MACF1: variants seen among roughly 807,000 people sequenced by gnomAD.
MACF1 encodes microtubule actin crosslinking factor 1.
A neutral mutation model predicts 854.8 loss-of-function variants in MACF1; 193 were observed. The observed-to-expected ratio is 0.23, with a 90% CI of 0.20 to 0.25. MACF1 has a LOEUF of 0.25. MACF1 is among the 10% of genes least tolerant of loss of function. MACF1 has a pLI of 1.00. For missense variants in MACF1, 7,722 were observed against 8,929.1 expected (o/e 0.86, Z 5.45); for synonymous variants, 3,185 against 3,226.7 (o/e 0.99, Z 0.44).
intron 2 of MACF1, among the ~76,000 whole-genome samples, chr1:39,085,999 G>T (rs970209972): frequency 6.6e-6 from 1 of 152,032 alleles, no homozygotes; most frequent in Admixed American, 6.6e-5. Flanking sequence ...TTCCTCCTCC[G>T]CTCTCACAGT....
intron 2 of MACF1, among the ~76,000 whole-genome samples, chr1:39,162,249 G>A (rs140322812): frequency 0.03 from 4,507 of 152,104 alleles, 232 homozygotes; most frequent in African/African-American, 0.1. Context: ...TGATCTGCCC[G>A]CCTTGGCTTC....
intron 58 of MACF1, chr1:39,412,099 C>T (rs1030476519): frequency 6.2e-7 from 1 of 1,613,978 alleles, no homozygotes; most frequent in Admixed American, 1.7e-5. Flanking sequence ...CAGGGTTTCT[C>T]ATGAAGAAAA....
At chr1:39,089,453 C>T (rs763856261) in intron 2 of MACF1, among the ~76,000 whole-genome samples, 6 of 152,180 alleles carry the variant, frequency 3.9e-5, no homozygotes, top group South Asian at 2.1e-4. Context: ...TCTAGTCAGA[C>T]GACAATTGTC....
intron 1 of MACF1, among the ~76,000 whole-genome samples, chr1:39,212,295 G>C (rs957426793): frequency 1.3e-5 from 2 of 152,106 alleles, no homozygotes; most frequent in African/African-American, 4.8e-5. Flanking sequence ...CCTAATCAAA[G>C]TCCTCTCCTC....
chr1:39,191,597 G>A (rs545352695), intron 2 of MACF1, among the ~76,000 whole-genome samples: 3 of 152,382 alleles, frequency 2.0e-5, no homozygotes, highest in African/African-American at 7.2e-5. Flanking sequence ...CTTCTTCTGA[G>A]ATTGGGCTTT....
chr1:39,117,017 A>G (rs1015095820), intron 2 of MACF1, among the ~76,000 whole-genome samples: 2 of 152,208 alleles, frequency 1.3e-5, no homozygotes, highest in Admixed American at 1.3e-4. Flanking sequence ...GACTGGACAG[A>G]GAGGCTGTTG....
Position 39,388,670 on chromosome 1 carries a change from C to T in MACF1, c.15816+12C>T. 1 of 1,527,890 alleles carries T rather than the reference C, an allele frequency of 6.5e-7. No individual in the cohort carries two copies. The highest frequency in any genetic ancestry group is 8.7e-7 in the Non-Finnish European group (1 of 1,143,506). The allele number at this position is 1,527,890 out of a possible 1,614,324, so 94.6% of individuals were successfully genotyped here. ...TAGCAGATTTTAAAGTAAGTCTGAA[C>T]CTTGTTTTTCTTTTTCTTTTACATG... is the stretch of plus-strand genomic sequence containing the variant. On this transcript the variant is annotated intron_variant, in intron 58 of 100. Transcript: ENST00000564288.
chr1:39,451,767 T>C (rs1644345934), intron 85 of MACF1, among the ~76,000 whole-genome samples: 1 of 152,236 alleles, frequency 6.6e-6, no homozygotes, highest in Non-Finnish European at 1.5e-5. Context: ...GGTTACCATT[T>C]TACAGATGAA....
chr1:39,468,165 C>T (rs186899754), intron 95 of MACF1: 125 of 155,428 alleles, frequency 8.0e-4, no homozygotes, highest in Non-Finnish European at 1.4e-3. Context: ...CCAAGACTGG[C>T]GGATCACGAG....
chr1:39,301,957 A>G (rs1203301458), intron 22 of MACF1, among the ~76,000 whole-genome samples: 1 of 150,194 alleles, frequency 6.7e-6, no homozygotes, highest in African/African-American at 2.5e-5. Flanking sequence ...AATACAGACT[A>G]TGCTTGTCTG....
At chr1:39,217,833 A>T (rs1644595534) in intron 1 of MACF1, among the ~76,000 whole-genome samples, 2 of 149,238 alleles carry the variant, frequency 1.3e-5, no homozygotes, top group Admixed American at 1.4e-4. Flanking sequence ...CAGAGATTTC[A>T]GTGAGCCGGG....
At chr1:39,178,287 G>A (rs527494715) in intron 2 of MACF1, among the ~76,000 whole-genome samples, 1 of 149,344 alleles carries the variant, frequency 6.7e-6, no homozygotes, top group South Asian at 2.1e-4. Flanking sequence ...GTTTTCATTC[G>A]TTTATGTACT....
At chr1:39,239,381 G>T (rs547641640) in intron 2 of MACF1, among the ~76,000 whole-genome samples, 1 of 152,208 alleles carries the variant, frequency 6.6e-6, no homozygotes, top group East Asian at 1.9e-4. Context: ...TGGATTCCCT[G>T]ATAACCTTTT....
Position 39,347,082 on chromosome 1 carries a change from A to G in MACF1, c.10687A>G (p.Asn3563Asp). The G allele has an allele frequency of 6.2e-7, 1 of 1,613,654 alleles. No homozygotes were observed. Among genetic ancestry groups the G allele is most frequent in the Non-Finnish European group, 8.5e-7 (1 of 1,179,470 alleles). The part of the protein sequence containing the change: ...EHAQDLSPQQ[N>D]RQMLRLLNEL... ...TGCCCAGGACTTGTCCCCTCAGCAG[A>G]ATCGACAGATGCTGAGGCTTCTGAA... The change falls in exon 41 of 101, where the codon AAT (asparagine) becomes GAT (aspartate). Residue 3563 changes from asparagine to aspartate, a missense_variant. By Grantham distance (23) the Asn-to-Asp change is conservative. Transcript: ENST00000564288.
chr1:39,410,050 T>C (rs1034476891), intron 58 of MACF1: 9 of 445,012 alleles, frequency 2.0e-5, no homozygotes, highest in African/African-American at 1.8e-4. Flanking sequence ...CTGTCAACCA[T>C]GAGGCTGCTA....
chr1:39,401,212 C>T (rs1038544859), intron 58 of MACF1, among the ~76,000 whole-genome samples: 1 of 152,136 alleles, frequency 6.6e-6, no homozygotes, highest in Non-Finnish European at 1.5e-5. Context: ...CTTGTATGCT[C>T]TACAAATTCA....
At chr1:39,330,011 A>C (rs1462147244) in intron 36 of MACF1, among the ~76,000 whole-genome samples, 1 of 152,086 alleles carries the variant, frequency 6.6e-6, no homozygotes, top group East Asian at 1.9e-4. Context: ...AGTTACCTAA[A>C]CTCTGTGCCT....
In MACF1 at chr1:39,357,496, A is replaced by C; in HGVS notation, c.11546A>C (p.Gln3849Pro). 1 of 1,614,222 alleles carries C rather than the reference A, an allele frequency of 6.2e-7. No individual in the cohort carries two copies. The highest frequency in any genetic ancestry group is 8.5e-7 in the Non-Finnish European group (1 of 1,180,042). ...CCTGAGGAGCAACAGATGCTGCAAC[A>C]GAAGCTGGGAGAGCTAAAGGAACAA... ...LTPEEQQMLQ[Q>P]KLGELKEQYS... is the part of the protein sequence containing the mutation. Residue 3849 changes from glutamine (Q) to proline (P), a missense_variant, in exon 45 of 101, where the codon CAG becomes CCG. By Grantham distance (76) the Gln-to-Pro change is moderately conservative. Coordinates refer to ENST00000564288, the MANE Select transcript of MACF1 (RefSeq NM_001394062.1).
At chr1:39,231,317 A>C in intron 2 of MACF1, 74 bp downstream of exon 2, 2 of 1,330,252 alleles carry the variant, frequency 1.5e-6, no homozygotes, top group South Asian at 2.3e-5. Context: ...TCCTTCTTTC[A>C]GATGGTTTAG....
Sources: allele counts gnomAD v4.1 joint callset (sites outside exome capture counted in the v4.1 genomes callset), GRCh38; gene constraint gnomAD v4.1.1; transcripts MANE v1.5; gene names NCBI Gene and HGNC (gene_info 2026-07-23, HGNC 2026-07-21).